SERINC5: variants seen among roughly 807,000 people sequenced by gnomAD.
SERINC5 encodes chromosome 5 open reading frame 12.
In SERINC5, 41 loss-of-function variants were observed where a neutral mutation model predicts 63.1. That is an observed-to-expected ratio of 0.65 (90% CI 0.51 to 0.84). The LOEUF is 0.84. Ranked by LOEUF, SERINC5 falls within the 40% of genes least tolerant of loss-of-function variation. SERINC5 has a pLI of 0.00. For synonymous variants in SERINC5, 222 were observed against 215.2 expected (o/e 1.03, Z -0.28); for missense variants, 523 against 573.0 (o/e 0.91, Z 0.89).
chr5:80,160,145 T>C (rs1033242203), intron 7 of SERINC5, among the ~76,000 whole-genome samples: 1 of 152,076 alleles, frequency 6.6e-6, no homozygotes, highest in Non-Finnish European at 1.5e-5. Context: ...TCTGACCTTA[T>C]CTCCAGGTAG....
chr5:80,198,793 GCT>G (rs1580155327), intron 2 of SERINC5: 1 of 774,672 alleles, frequency 1.3e-6, no homozygotes, highest in East Asian at 1.3e-4. Flanking sequence ...AGGCCCTAAA[GCT>G]GGAAAAGGAT....
intron 2 of SERINC5, among the ~76,000 whole-genome samples, chr5:80,194,404 T>C (rs1022472204): frequency 2.0e-4 from 30 of 152,340 alleles, no homozygotes; most frequent in Admixed American, 2.0e-3. Context: ...CATGAAGACC[T>C]GTCATTTTAC....
intron 1 of SERINC5, among the ~76,000 whole-genome samples, chr5:80,243,547 T>TAA (rs563631448): frequency 6.7e-6 from 1 of 148,870 alleles, no homozygotes. Flanking sequence ...GATGGGTCAT[T>TAA]AAAAAAAAAC....
chr5:80,192,042 T>C (rs1749221770), intron 2 of SERINC5, among the ~76,000 whole-genome samples: 1 of 152,234 alleles, frequency 6.6e-6, no homozygotes, highest in Non-Finnish European at 1.5e-5. Flanking sequence ...CCACACTGGT[T>C]GGCTGGCCAT....
intron 2 of SERINC5, among the ~76,000 whole-genome samples, chr5:80,187,899 GACT>G (rs1475822145): frequency 6.6e-6 from 1 of 152,022 alleles, no homozygotes; most frequent in East Asian, 1.9e-4. Flanking sequence ...CCAGAAGACT[GACT>G]AATTAATTAC....
At chr5:80,233,839 TCTCA>T (rs1297870664) in intron 1 of SERINC5, among the ~76,000 whole-genome samples, 3 of 125,924 alleles carry the variant, frequency 2.4e-5, no homozygotes, top group African/African-American at 9.6e-5. Flanking sequence ...TGAGACAGAG[TCTCA>T]CTCTGTCGCC....
intron 1 of SERINC5, among the ~76,000 whole-genome samples, chr5:80,255,592 A>T (rs544838074): frequency 6.6e-6 from 1 of 152,324 alleles, no homozygotes; most frequent in Admixed American, 6.5e-5. Flanking sequence ...GCAAGAGGCG[A>T]CACGCCCCTG....
At chr5:80,240,750 G>A (rs905045627) in intron 1 of SERINC5, among the ~76,000 whole-genome samples, 2 of 152,082 alleles carry the variant, frequency 1.3e-5, no homozygotes, top group Non-Finnish European at 2.9e-5. Context: ...CTGCAGTCTC[G>A]ACCTCCTCAG....
intron 2 of SERINC5, among the ~76,000 whole-genome samples, chr5:80,186,518 G>T (rs1242667652): frequency 6.6e-6 from 1 of 152,142 alleles, no homozygotes; most frequent in Non-Finnish European, 1.5e-5. Flanking sequence ...TTGTCCTTCA[G>T]AGACCTAGCC....
rs554757291 is a variant in SERINC5 at position 80,126,729 on chromosome 5, CA to C, written c.1239-13105del. Reference sequence around the variant, plus strand: ...AAATTCATAAATTTTAATTTGGTTACAAAAAAATTTTTCATCAAAATTTTTG... The same window carrying C: ...AAATTCATAAATTTTAATTTGGTTACAAAAAATTTTTCATCAAAATTTTTG... On this transcript the variant is annotated intron_variant, in intron 11 of 12. Coordinates refer to the SERINC5 transcript ENST00000509193. Among the ~76,000 whole-genome samples the C allele has an allele frequency of 7.3e-4, 111 of 152,112 alleles. 1 individual carries two copies. The highest frequency in any genetic ancestry group is 2.6e-3 in the African/African-American group (106 of 41,512).
intron 6 of SERINC5, among the ~76,000 whole-genome samples, chr5:80,168,990 A>C (rs891706473): frequency 6.6e-6 from 1 of 152,218 alleles, no homozygotes; most frequent in Non-Finnish European, 1.5e-5. Context: ...ACTTTTACAC[A>C]GAGATTGTAG....
intron 1 of SERINC5, among the ~76,000 whole-genome samples, chr5:80,251,490 G>A (rs1355303311): frequency 1.3e-5 from 2 of 152,120 alleles, no homozygotes; most frequent in Non-Finnish European, 2.9e-5. Context: ...AGCACTTTGG[G>A]AGGCAGAGGC....
chr5:80,156,690 A>T (rs145553115), intron 8 of SERINC5, among the ~76,000 whole-genome samples: 1 of 152,278 alleles, frequency 6.6e-6, no homozygotes, highest in African/African-American at 2.4e-5. Flanking sequence ...AGTAGCTATC[A>T]ACTTTGAAAA....
intron 11 of SERINC5, among the ~76,000 whole-genome samples, chr5:80,130,742 T>C (rs1470621368): frequency 6.6e-6 from 1 of 152,336 alleles, no homozygotes; most frequent in East Asian, 1.9e-4. Context: ...TTTTCACTAC[T>C]GCCATCCACA....
At chr5:80,194,423 A>G (rs1749378405) in intron 2 of SERINC5, among the ~76,000 whole-genome samples, 1 of 152,240 alleles carries the variant, frequency 6.6e-6, no homozygotes, top group South Asian at 2.1e-4. Flanking sequence ...ACATTGGGAC[A>G]AACTGCACAG....
intron 1 of SERINC5, 74 bp from the exon 2 acceptor site, chr5:80,203,127 G>A: frequency 2.1e-6 from 3 of 1,423,472 alleles, no homozygotes; most frequent in Non-Finnish European, 2.9e-6. Flanking sequence ...CAGGCACTGT[G>A]GTACACATCT....
chr5:80,180,076 C>T (rs1027626087), intron 2 of SERINC5, among the ~76,000 whole-genome samples: 1 of 152,054 alleles, frequency 6.6e-6, no homozygotes, highest in African/African-American at 2.4e-5. Flanking sequence ...TCCACTGGAG[C>T]TCTTTATTAG....
chr5:80,126,555 G>A (rs946013345), intron 11 of SERINC5, among the ~76,000 whole-genome samples: 1 of 152,156 alleles, frequency 6.6e-6, no homozygotes, highest in African/African-American at 2.4e-5. Context: ...AAAGCTGACA[G>A]GTTGAGATAT....
intron 12 of SERINC5, among the ~76,000 whole-genome samples, chr5:80,112,991 G>T (rs1744181320): frequency 6.6e-6 from 1 of 152,044 alleles, no homozygotes; most frequent in Admixed American, 6.5e-5. Flanking sequence ...TTTAATAGCT[G>T]CATAATAGTC....
Sources: allele counts gnomAD v4.1 joint callset (sites outside exome capture counted in the v4.1 genomes callset), GRCh38; gene constraint gnomAD v4.1.1; transcripts MANE v1.5; gene names NCBI Gene and HGNC (gene_info 2026-07-23, HGNC 2026-07-21).